Variants in APP observed in about 807,000 individuals in gnomAD.
APP encodes amyloid-beta precursor protein.
A neutral mutation model predicts 101.4 loss-of-function variants in APP; 31 were observed. The ratio of observed to expected loss-of-function variants is 0.31; its 90% CI spans 0.23 to 0.41. The LOEUF (loss-of-function observed/expected upper bound fraction) is 0.41. Ranked by LOEUF, APP falls within the 10% of genes least tolerant of loss-of-function variation. APP has a pLI of 1.00. For missense variants in APP, 839 were observed against 1,003.7 expected, an observed-to-expected ratio of 0.84 and a Z score of 2.22; for synonymous variants, 366 against 364.4, an observed-to-expected ratio of 1.00 and a Z score of -0.05.
intron 13 of APP, among the ~76,000 whole-genome samples, chr21:25,950,381 CTTTTTTT>C (rs57124711): frequency 6.0e-5 from 8 of 133,138 alleles, no homozygotes; most frequent in African/African-American, 1.1e-4. Context: ...TTTTTTTTTT[CTTTTTTT>C]TTTTTTTTGG....
rs754679397 is a variant in APP, at chr21:26,000,099, C to A, written c.949G>T (p.Ala317Ser). Residue 317 changes from alanine to serine, a missense_variant, in exon 7 of 18, where the codon GCC becomes TCC. Physicochemically the swap from Ala to Ser is moderately conservative, Grantham distance 99. Coordinates refer to ENST00000346798, the MANE Select transcript of APP (RefSeq NM_000484.4). ...CCACATCCGCCGTAAAAGAATGGGG[C>A]ACACTTCCCTTCAGTCACATCAAAG... Reference protein sequence around the residue: ...WYFDVTEGKCAPFFYGGCGGN... With the variant: ...WYFDVTEGKCSPFFYGGCGGN... 3.1e-6 allele frequency: 5 copies of A among 1,614,088 alleles called. No homozygotes were observed. In the Admixed American group the frequency reaches 8.3e-5, roughly 27 times the overall value.
At chr21:26,151,451 T>A (rs2063267383) in intron 1 of APP, among the ~76,000 whole-genome samples, 1 of 152,212 alleles carries the variant, frequency 6.6e-6, no homozygotes. Flanking sequence ...CTTTCCTTAT[T>A]TTTGCTAATC....
chr21:26,147,809 C>CA (rs61485913), intron 1 of APP, among the ~76,000 whole-genome samples: 3,237 of 147,516 alleles, frequency 0.022, 112 homozygotes, highest in African/African-American at 0.074. Context: ...ATCAGAACAT[C>CA]AAAAAAAAAA....
intron 11 of APP, among the ~76,000 whole-genome samples, chr21:25,972,345 T>C (rs184769785): frequency 2.6e-4 from 40 of 152,162 alleles, no homozygotes; most frequent in African/African-American, 9.4e-4. Context: ...AAAAAAGACA[T>C]GTTATTTTTA....
At chr21:26,122,699 G>GT (rs2062600253) in intron 1 of APP, among the ~76,000 whole-genome samples, 1 of 149,448 alleles carries the variant, frequency 6.7e-6, no homozygotes, top group Non-Finnish European at 1.5e-5. Context: ...CAAGTAACAC[G>GT]TATGAAGAAG....
chr21:26,120,566 T>C (rs894374996), intron 1 of APP, among the ~76,000 whole-genome samples: 8 of 152,220 alleles, frequency 5.3e-5, no homozygotes, highest in Non-Finnish European at 8.8e-5. Flanking sequence ...GCAAATAGAA[T>C]GATACTGTAA....
intron 1 of APP, among the ~76,000 whole-genome samples, chr21:26,148,092 T>G (rs927441842): frequency 6.6e-6 from 1 of 152,146 alleles, no homozygotes; most frequent in Non-Finnish European, 1.5e-5. Context: ...ATATTGATTC[T>G]CCCTGAGGCA....
chr21:26,015,886 T>C (rs576377804), intron 6 of APP, among the ~76,000 whole-genome samples: 2 of 152,028 alleles, frequency 1.3e-5, no homozygotes, highest in Admixed American at 6.6e-5. Context: ...TTCCAAAACA[T>C]GAAAACATCC....
intron 3 of APP, among the ~76,000 whole-genome samples, chr21:26,066,346 A>G (rs1213188428): frequency 6.6e-6 from 1 of 152,150 alleles, no homozygotes; most frequent in Non-Finnish European, 1.5e-5. Context: ...CCCACTTTTA[A>G]TTATACAGTT....
intron 5 of APP, among the ~76,000 whole-genome samples, chr21:26,045,640 G>C (rs1012682385): frequency 6.6e-6 from 1 of 152,148 alleles, no homozygotes; most frequent in African/African-American, 2.4e-5. Flanking sequence ...ACTGTATCTA[G>C]ATAGTCAATG....
rs112703380 is a variant in APP, at chr21:25,915,973, GTTT to G, written c.1688-4014_1688-4012del. Among the ~76,000 whole-genome samples, 636 of 143,610 alleles carry G rather than the reference GTTT, an allele frequency of 4.4e-3. 5 individuals carry two copies. The highest frequency in any genetic ancestry group is 0.015 in the African/African-American group (601 of 39,708). The allele number at this position is 143,610 out of a possible 152,430, so 94.2% of individuals were successfully genotyped here. ...GCAGAGTGAAACACACTTAGCCTTC[GTTT>G]TTTTTTTTTGGTCGTTGTTCAAAAT... On this transcript the variant is annotated intron_variant, in intron 13 of 17. Coordinates refer to ENST00000346798, the MANE Select transcript of APP (RefSeq NM_000484.4).
At chr21:26,130,035 T>A (rs2062760721) in intron 1 of APP, among the ~76,000 whole-genome samples, 1 of 152,252 alleles carries the variant, frequency 6.6e-6, no homozygotes, top group Non-Finnish European at 1.5e-5. Flanking sequence ...TCACTATTTC[T>A]TAAATGTTTT....
At chr21:25,928,121 G>A (rs1276247204) in intron 13 of APP, among the ~76,000 whole-genome samples, 2 of 151,836 alleles carry the variant, frequency 1.3e-5, no homozygotes, top group African/African-American at 4.8e-5. Context: ...GAGGTGGGCG[G>A]TTCACGAGGT....
chr21:26,067,488 GAC>G lies in APP; in HGVS notation c.356-14142_356-14141del, dbSNP rs2046501804. On this transcript the variant is annotated intron_variant, in intron 3 of 17. Transcript: ENST00000346798. ...TTATGGGAGAAAATCTAAAGCCAAA[GAC>G]ACAAACCTAGGCAGAGAAACCATAA... is the stretch of plus-strand genomic sequence containing the variant. 6.6e-5 allele frequency among the ~76,000 whole-genome samples: 10 copies of G among 152,286 alleles called. No individual in the cohort carries two copies. The South Asian group carries it at 1.9e-3, about 28-fold the overall frequency.
chr21:26,062,809 C>T (rs544095589), intron 3 of APP, among the ~76,000 whole-genome samples: 22 of 152,092 alleles, frequency 1.4e-4, no homozygotes, highest in African/African-American at 5.3e-4. Context: ...GTCTCCCAGG[C>T]TGGAGTGCAA....
chr21:26,024,489 C>T lies in APP; in HGVS notation c.663-2447G>A, dbSNP rs545061626. 3.3e-5 allele frequency among the ~76,000 whole-genome samples: 5 copies of T among 152,114 alleles called. 1 individual carries two copies. The highest frequency in any genetic ancestry group is 9.7e-5 in the African/African-American group (4 of 41,406). The stretch of plus-strand genomic sequence containing the variant: ...TATGTAGGAAATCAGATTCCAAACA[C>T]GTGAGACAAGCGAACACTATGATTC... On this transcript the variant is annotated intron_variant, in intron 5 of 17. Transcript: ENST00000346798.
chr21:26,160,855 T>C (rs60128329), intron 1 of APP, among the ~76,000 whole-genome samples: 2,851 of 152,312 alleles, frequency 0.019, 92 homozygotes, highest in African/African-American at 0.063. Context: ...TTTTTCTTTT[T>C]GCAGGCCAAC....
intron 3 of APP, among the ~76,000 whole-genome samples, chr21:26,071,770 C>T (rs552547596): frequency 4.9e-4 from 75 of 152,208 alleles, no homozygotes; most frequent in African/African-American, 1.7e-3. Context: ...CATTTTCAGG[C>T]CAAAGGCAGA....
intron 9 of APP, among the ~76,000 whole-genome samples, chr21:25,979,667 C>T (rs2042351082): frequency 6.6e-6 from 1 of 152,074 alleles, no homozygotes; most frequent in Non-Finnish European, 1.5e-5. Context: ...ACAAGTTACA[C>T]AGATGTGCTA....
Sources: gnomAD v4.1 joint callset for allele counts (sites outside exome capture counted in the v4.1 genomes callset) on GRCh38, gnomAD v4.1.1 for gene constraint, MANE v1.5 for transcripts, NCBI Gene and HGNC (gene_info 2026-07-23, HGNC 2026-07-21) for gene names.